The following NPHP1 variants were observed in gnomAD, a reference collection of about 807,000 sequenced individuals.
The protein encoded by NPHP1 is nephrocystin-1.
NPHP1 carries 70 observed loss-of-function variants against 90.4 expected under a neutral mutation model. That is an observed-to-expected ratio of 0.77 (90% CI 0.64 to 0.95). NPHP1 has a LOEUF of 0.95. Ranked by LOEUF, NPHP1 falls within the 40% of genes least tolerant of loss-of-function variation. The probability of loss-of-function intolerance (pLI) is 0.00; values close to 1 mark genes in which losing one functional copy is unlikely to be tolerated. For missense variants in NPHP1, 764 were observed against 795.9 expected, an observed-to-expected ratio of 0.96 and a Z score of 0.48; for synonymous variants, 256 against 271.7, an observed-to-expected ratio of 0.94 and a Z score of 0.57.
rs1214668589 is a variant in NPHP1 at position 110,147,505 on chromosome 2, A to G, written c.1269+411T>C. ...CCACTGGTTCAGTAGTTTATATGAC[A>G]TAAGTTAAACTCACTTTATAAAAGT... On this transcript the variant is annotated intron_variant, in intron 13 of 19. Transcript: ENST00000445609. Among the ~76,000 whole-genome samples the G allele has an allele frequency of 6.6e-4, 101 of 152,142 alleles. 1 individual carries two copies. Among genetic ancestry groups the G allele is most frequent in the Admixed American group, 6.5e-3 (99 of 15,272 alleles).
At chr2:110,140,385 C>T (rs372962430) in intron 16 of NPHP1, among the ~76,000 whole-genome samples, 7 of 152,092 alleles carry the variant, frequency 4.6e-5, no homozygotes, top group South Asian at 2.1e-4. Context: ...AAACAAATGA[C>T]GCAGTCCTGA....
At chr2:110,192,644 G>A (rs1207182898) in intron 2 of NPHP1, among the ~76,000 whole-genome samples, 1 of 151,972 alleles carries the variant, frequency 6.6e-6, no homozygotes, top group African/African-American at 2.4e-5. Flanking sequence ...TCAAATTCAG[G>A]AAATACAGAA....
chr2:110,134,431 A>T (rs962722189), intron 16 of NPHP1, among the ~76,000 whole-genome samples: 2 of 151,878 alleles, frequency 1.3e-5, no homozygotes, highest in Non-Finnish European at 2.9e-5. Context: ...ATTAACACCA[A>T]TTTTCCTCAA....
intron 16 of NPHP1, among the ~76,000 whole-genome samples, chr2:110,138,724 T>C (rs993640206): frequency 1.3e-5 from 2 of 152,114 alleles, no homozygotes; most frequent in Non-Finnish European, 2.9e-5. Context: ...TTCAGCTGCA[T>C]GCCCAAACTC....
intron 17 of NPHP1, among the ~76,000 whole-genome samples, chr2:110,131,140 G>C (rs1049352630): frequency 1.3e-5 from 2 of 152,144 alleles, no homozygotes; most frequent in Non-Finnish European, 2.9e-5. Context: ...ATCATGTATG[G>C]TGACTCATTG....
intron 16 of NPHP1, among the ~76,000 whole-genome samples, chr2:110,133,688 T>C (rs928049349): frequency 6.6e-6 from 1 of 152,074 alleles, no homozygotes; most frequent in African/African-American, 2.4e-5. Flanking sequence ...ATATCTTTTT[T>C]CAATCATAAT....
At chr2:110,158,158 G>A (rs1199572858) in intron 11 of NPHP1, among the ~76,000 whole-genome samples, 1 of 152,002 alleles carries the variant, frequency 6.6e-6, no homozygotes, top group Non-Finnish European at 1.5e-5. Flanking sequence ...ATGTAATCAA[G>A]GACCATATAT....
chr2:110,139,175 A>C (rs1285118609), intron 16 of NPHP1, among the ~76,000 whole-genome samples: 1 of 150,382 alleles, frequency 6.6e-6, no homozygotes, highest in African/African-American at 2.5e-5. Context: ...AATGCATCAA[A>C]AAAAAGGATA....
intron 2 of NPHP1, 77 bp from the exon 3 acceptor site, chr2:110,179,761 G>A: frequency 1.4e-6 from 1 of 716,976 alleles, no homozygotes. Context: ...AAATCATTCA[G>A]TCGTTGAGCA....
chr2:110,123,944 T>C lies in NPHP1; in HGVS notation c.1881A>G (p.Ala627=), dbSNP rs1157663897. 1 of 1,614,160 alleles carries C rather than the reference T, an allele frequency of 6.2e-7. No individual in the cohort carries two copies. The highest frequency in any genetic ancestry group is 8.5e-7 in the Non-Finnish European group (1 of 1,180,002). ...GGAAGTCAGTGATAACTTTCCACCGTGCAGTCTCAGTCTCTTCTTCTGCCC... is the reference window on the plus strand; with the variant it reads ...GGAAGTCAGTGATAACTTTCCACCGCGCAGTCTCAGTCTCTTCTTCTGCCC... ...FRWAEEETET[A]RWKVITDFLK... The change falls in exon 20 of 20, where the codon GCA becomes GCG. Residue 627 remains alanine (A), a synonymous_variant. Coordinates refer to ENST00000445609, the MANE Select transcript of NPHP1 (RefSeq NM_001128178.3).
chr2:110,203,014 A>C (rs1040538730), intron 1 of NPHP1, among the ~76,000 whole-genome samples: 1 of 152,178 alleles, frequency 6.6e-6, no homozygotes, highest in Non-Finnish European at 1.5e-5. Flanking sequence ...AAGACATGGA[A>C]TCAACATAGA....
intron 16 of NPHP1, among the ~76,000 whole-genome samples, chr2:110,139,834 A>G (rs1022834962): frequency 6.6e-6 from 1 of 152,020 alleles, no homozygotes; most frequent in African/African-American, 2.4e-5. Flanking sequence ...AGAGGAGGAG[A>G]AGGACTATTG....
rs185034649 is a variant in NPHP1 at position 110,188,945 on chromosome 2, C to T, written c.144-9261G>A. On this transcript the variant is annotated intron_variant, in intron 2 of 19. Transcript: ENST00000445609. ...ATGCTGGAAGAGCTGGCTAGCTATACGCAGAAAATTGAAACTAGAACCCCT... is the reference window on the plus strand; with the variant it reads ...ATGCTGGAAGAGCTGGCTAGCTATATGCAGAAAATTGAAACTAGAACCCCT... Among the ~76,000 whole-genome samples, 295 of 152,128 alleles carry T rather than the reference C, an allele frequency of 1.9e-3. 4 individuals are homozygous for T. In the Middle Eastern group the frequency reaches 0.031, roughly 16 times the overall value.
intron 14 of NPHP1, among the ~76,000 whole-genome samples, chr2:110,145,996 C>T (rs1681017072): frequency 6.6e-6 from 1 of 152,160 alleles, no homozygotes. Context: ...GGAATTATTA[C>T]AATCTTCCAG....
In NPHP1 at chr2:110,178,485, CA is replaced by C. The variant is rs769143199; in HGVS notation, c.266del (p.Leu89TrpfsTer13). 6.2e-7 allele frequency: 1 copy of C among 1,613,502 alleles called. No homozygotes were observed. The highest frequency in any genetic ancestry group is 1.3e-5 in the African/African-American group (1 of 74,874). On this transcript the variant is annotated frameshift_variant, in exon 4 of 20. Transcript: ENST00000445609. LOFTEE classifies it high-confidence loss of function. ...NQRKEEEHTL[L>X]DKLTQQLQGL... ...CCTGCAGTTGTTGGGTAAGCTTGTC[CA>C]AAAGAGTATGCTCCTCTTCTTTTCT...
Position 110,164,716 on chromosome 2 carries a change from C to T in NPHP1, c.743G>A (p.Trp248Ter). 6.2e-7 allele frequency: 1 copy of T among 1,613,856 alleles called. No homozygotes were observed. The highest frequency in any genetic ancestry group is 1.3e-5 in the African/African-American group (1 of 75,018). ...AEVKQRTDPH[W>*]SAVQKAISEQ... Reference sequence around the variant, plus strand: ...TGAAATCGCTTTCTGAACAGCACTCCAGTGGGGATCAGTTCTGGGGAGACA... The same window carrying T: ...TGAAATCGCTTTCTGAACAGCACTCTAGTGGGGATCAGTTCTGGGGAGACA... Residue 248 changes from tryptophan (W) to a stop codon, truncating the protein, a stop_gained, in exon 8 of 20, where the codon TGG becomes TAG. Transcript: ENST00000445609. LOFTEE classifies it high-confidence loss of function.
rs1410236296 is a variant in NPHP1 at position 110,169,844 on chromosome 2, CT to C, written c.483del (p.Asp162IlefsTer20). 6.2e-7 allele frequency: 1 copy of C among 1,613,724 alleles called. No individual in the cohort carries two copies. Among genetic ancestry groups the C allele is most frequent in the African/African-American group, 1.3e-5 (1 of 75,004 alleles). On this transcript the variant is annotated frameshift_variant, in exon 5 of 20. Coordinates refer to ENST00000445609, the MANE Select transcript of NPHP1 (RefSeq NM_001128178.3). LOFTEE classifies it high-confidence loss of function. ...WSTGEEYIAV[G>X]DFTAQQVGDL... is the part of the protein sequence containing the mutation. ...TCTCCAACTTGCTGAGCAGTAAAAT[CT>C]CCAACAGCGATGTATTCTTCACCGG...
chr2:110,144,787 C>A (rs1020369367), intron 14 of NPHP1, among the ~76,000 whole-genome samples: 1 of 152,106 alleles, frequency 6.6e-6, no homozygotes, highest in African/African-American at 2.4e-5. Context: ...AATTATCTTT[C>A]CTAACTATAC....
chr2:110,171,288 A>G (rs987307273), intron 4 of NPHP1, among the ~76,000 whole-genome samples: 39 of 152,300 alleles, frequency 2.6e-4, no homozygotes, highest in Non-Finnish European at 5.1e-4. Flanking sequence ...TGTGACAGAC[A>G]CTATGTGCTT....
Sources: gnomAD v4.1 joint callset for allele counts (sites outside exome capture counted in the v4.1 genomes callset) on GRCh38, gnomAD v4.1.1 for gene constraint, MANE v1.5 for transcripts, NCBI Gene and HGNC (gene_info 2026-07-23, HGNC 2026-07-21) for gene names.